Variants in RUBCN observed in about 807,000 individuals in gnomAD.
RUBCN encodes the protein rubicon autophagy regulator.
A neutral mutation model predicts 113.2 loss-of-function variants in RUBCN; 74 were observed. That is an observed-to-expected ratio of 0.65 (90% confidence interval 0.54 to 0.79). The LOEUF is 0.79. Among genes scored for constraint, RUBCN ranks in the 30% least tolerant of loss-of-function variants. The pLI is 0.00. For missense variants in RUBCN, 1,109 were observed against 1,251.7 expected (o/e 0.89, Z 1.72); for synonymous variants, 480 against 490.0 (o/e 0.98, Z 0.27).
chr3:197,674,463 C>T lies in RUBCN; in HGVS notation c.*555G>A. 2.3e-6 allele frequency: 1 copy of T among 431,868 alleles called. No homozygotes were observed. The highest frequency in any genetic ancestry group is 1.8e-5 in the South Asian group (1 of 55,140). 26.8% of individuals were successfully genotyped at this position (431,868 alleles called of 1,614,324 possible). On this transcript the variant is annotated 3_prime_UTR_variant, in exon 20 of 20. Coordinates refer to ENST00000296343, the MANE Select transcript of RUBCN (RefSeq NM_014687.4). Reference sequence around the variant, plus strand: ...GGATAGTCAGGATTGTTCTGTGGCCCCCAAAATACCCAAATAAGTGGACGA... The same window carrying T: ...GGATAGTCAGGATTGTTCTGTGGCCTCCAAAATACCCAAATAAGTGGACGA...
intron 1 of RUBCN, among the ~76,000 whole-genome samples, chr3:197,732,822 G>A (rs751068461): frequency 6.6e-6 from 1 of 152,190 alleles, no homozygotes; most frequent in African/African-American, 2.4e-5. Context: ...TCGGATGAAG[G>A]AGCCACTGAA....
rs1720068215 is a variant in RUBCN at position 197,674,132 on chromosome 3, G to A, written c.*886C>T. On this transcript the variant is annotated 3_prime_UTR_variant, in exon 20 of 20. Transcript: ENST00000296343. The stretch of plus-strand genomic sequence containing the variant: ...TTAGGATGGCATCAGGGACCTGCCT[G>A]AGCTTCAAAGATCACACCTGCACCA... 2 of 152,408 alleles carry A rather than the reference G, an allele frequency of 1.3e-5. No homozygotes were observed. Among genetic ancestry groups the A allele is most frequent in the East Asian group, 1.9e-4 (1 of 5,202 alleles). 9.4% of individuals were successfully genotyped at this position (152,408 alleles called of 1,614,324 possible).
chr3:197,683,755 G>A lies in RUBCN; in HGVS notation c.1848-316C>T, dbSNP rs563046551. The stretch of plus-strand genomic sequence containing the variant: ...AATGCCTGCTTACAAAACAAAGTGA[G>A]TAAAATTGCTTTGTGGACTACAAAG... On this transcript the variant is annotated intron_variant, in intron 12 of 19. Coordinates refer to ENST00000296343, the MANE Select transcript of RUBCN (RefSeq NM_014687.4). This position sits in a 1 kb window ranked among gnomAD's most constrained non-coding sequence, Gnocchi z 4.6. Among the ~76,000 whole-genome samples the A allele has an allele frequency of 6.6e-6, 1 of 152,298 alleles. No individual in the cohort carries two copies. The highest frequency in any genetic ancestry group is 6.5e-5 in the Admixed American group (1 of 15,302).
At chr3:197,704,273 A>G (rs1193393056) in intron 4 of RUBCN, among the ~76,000 whole-genome samples, 1 of 152,204 alleles carries the variant, frequency 6.6e-6, no homozygotes, top group Non-Finnish European at 1.5e-5. Flanking sequence ...CATTTCTACT[A>G]AAATTACAAA....
chr3:197,744,476 C>G (rs912719575), intron 1 of RUBCN, among the ~76,000 whole-genome samples: 1 of 152,150 alleles, frequency 6.6e-6, no homozygotes, highest in Non-Finnish European at 1.5e-5. Flanking sequence ...ATGATTAACT[C>G]TCAGCAAATC....
intron 1 of RUBCN, among the ~76,000 whole-genome samples, chr3:197,725,520 C>CTTTTTTTTTTTTT: frequency 1.3e-5 from 1 of 75,316 alleles, no homozygotes; most frequent in Non-Finnish European, 2.4e-5. Context: ...ACAGGAGAAT[C>CTTTTTTTTTTTTT]TTTTTTTTTT....
Position 197,670,011 on chromosome 3 carries a change from C to T in RUBCN, c.*5007G>A, listed in dbSNP as rs1719637638. On this transcript the variant is annotated 3_prime_UTR_variant, in exon 20 of 20. Coordinates refer to ENST00000296343, the MANE Select transcript of RUBCN (RefSeq NM_014687.4). ...TCAAGCAATTCTCCTGTCTCAACCTCGCGAGTAGCTGGGATTACAGGCGCC... is the reference window on the plus strand; with the variant it reads ...TCAAGCAATTCTCCTGTCTCAACCTTGCGAGTAGCTGGGATTACAGGCGCC... Among the ~76,000 whole-genome samples, 1 of 152,294 alleles carries T rather than the reference C, an allele frequency of 6.6e-6. No individual in the cohort carries two copies. The highest frequency in any genetic ancestry group is 2.1e-4 in the South Asian group (1 of 4,818).
At chr3:197,703,959 A>G (rs771210748) in intron 4 of RUBCN, among the ~76,000 whole-genome samples, 1 of 152,194 alleles carries the variant, frequency 6.6e-6, no homozygotes, top group Non-Finnish European at 1.5e-5. Flanking sequence ...GCTGCTGTGA[A>G]GATACTGGAC....
chr3:197,678,828 G>C (rs868131434), intron 16 of RUBCN, among the ~76,000 whole-genome samples: 180 of 118,518 alleles, frequency 1.5e-3, no homozygotes, highest in Middle Eastern at 0.015. Flanking sequence ...CCAGACTGTC[G>C]TACGCTCTAA....
intron 2 of RUBCN, among the ~76,000 whole-genome samples, chr3:197,706,646 T>C (rs1195145811): frequency 6.6e-6 from 1 of 151,952 alleles, no homozygotes; most frequent in Non-Finnish European, 1.5e-5. Flanking sequence ...ATCGTGCTAC[T>C]ACACTCCAGC....
chr3:197,693,812 A>C lies in RUBCN; in HGVS notation c.1689T>G (p.Phe563Leu). ...ACTGGGAGCTGCTGGAGGTGACCCG[A>C]AAGCCTGTTATGTTTAAAAACAAAA... ...PMYQEAEHGS[F>L]RVTSSSSQFS... Residue 563 changes from phenylalanine (F) to leucine (L), a missense_variant, in exon 11 of 20, where the codon TTT becomes TTG. Phe to Leu is a conservative substitution (Grantham distance 22). Around this residue, in one of 3 missense-constraint regions of RUBCN, gnomAD observed 736 missense variants for 779.6 expected, o/e 0.94. Transcript: ENST00000296343. 1 of 1,612,666 alleles carries C rather than the reference A, an allele frequency of 6.2e-7. No homozygotes were observed. Among genetic ancestry groups the C allele is most frequent in the Non-Finnish European group, 8.5e-7 (1 of 1,178,666 alleles).
At chr3:197,737,852 A>C (rs1728304748), upstream of RUBCN, among the ~76,000 whole-genome samples, 1 of 152,064 alleles carries the variant, frequency 6.6e-6, no homozygotes, top group African/African-American at 2.4e-5. Flanking sequence ...AACCAGTTGA[A>C]AGAAACGTGG....
chr3:197,714,200 G>A (rs1052939247), intron 2 of RUBCN, among the ~76,000 whole-genome samples: 4 of 152,186 alleles, frequency 2.6e-5, no homozygotes, highest in Admixed American at 6.5e-5. Flanking sequence ...TAACTGCTAC[G>A]TCACTTTATT....
intron 1 of RUBCN, among the ~76,000 whole-genome samples, chr3:197,732,728 A>G (rs1727662280): frequency 6.6e-6 from 1 of 152,198 alleles, no homozygotes; most frequent in South Asian, 2.1e-4. Context: ...GCTAGACGGA[A>G]AACAATAGGG....
chr3:197,734,451 G>C (rs1394550702), intron 1 of RUBCN, among the ~76,000 whole-genome samples: 1 of 151,112 alleles, frequency 6.6e-6, no homozygotes, highest in Admixed American at 6.6e-5. Context: ...CGAACTGCCT[G>C]GGTTTGAATC....
chr3:197,683,273 G>C lies in RUBCN; in HGVS notation c.1980+34C>G. ...AAACAAGGTCACAGAGGCTCACGAT[G>C]GCCCCTGGGTAGGAAGAAGAGCTAA... On this transcript the variant is annotated intron_variant, in intron 13 of 19. Coordinates refer to ENST00000296343, the MANE Select transcript of RUBCN (RefSeq NM_014687.4). The surrounding 1 kb of genome is among the most constrained non-coding windows in gnomAD (Gnocchi z 4.6). The C allele has an allele frequency of 6.2e-7, 1 of 1,613,948 alleles. No homozygotes were observed. Among genetic ancestry groups the C allele is most frequent in the Non-Finnish European group, 8.5e-7 (1 of 1,179,784 alleles).
At chr3:197,736,597 G>C (rs1284980342) in intron 1 of RUBCN, 58 bp downstream of exon 1, 5 of 1,498,182 alleles carry the variant, frequency 3.3e-6, no homozygotes, top group East Asian at 2.5e-5. Flanking sequence ...GCCCTCCCAA[G>C]CCTCCCGGGG....
intron 1 of RUBCN, among the ~76,000 whole-genome samples, chr3:197,729,652 A>G (rs907456702): frequency 1.3e-5 from 2 of 152,092 alleles, no homozygotes; most frequent in African/African-American, 4.8e-5. Flanking sequence ...TCCGCCTACC[A>G]GGTTCAAGCA....
chr3:197,708,031 A>G (rs750864239), intron 2 of RUBCN, among the ~76,000 whole-genome samples: 4 of 152,176 alleles, frequency 2.6e-5, no homozygotes, highest in Non-Finnish European at 5.9e-5. Context: ...AAAAGTGCAA[A>G]TCATAAAGGA....
Sources: gnomAD v4.1 joint callset for allele counts (sites outside exome capture counted in the v4.1 genomes callset) on GRCh38, gnomAD v4.1.1 for gene constraint, gnomAD v4.1.1 regional missense constraint, Gnocchi (gnomAD v3.1) non-coding constraint, MANE v1.5 for transcripts, NCBI Gene and HGNC (gene_info 2026-07-23, HGNC 2026-07-21) for gene names.